The following ZCCHC17 variants were observed in gnomAD, a reference collection of about 807,000 sequenced individuals.
ZCCHC17 encodes the protein zinc finger CCHC domain-containing protein 17.
Under a neutral mutation model 30.6 loss-of-function variants are expected in ZCCHC17, and 18 were observed. The observed-to-expected ratio is 0.59, with a 90% CI of 0.41 to 0.87. The LOEUF is 0.87. Among genes scored for constraint, ZCCHC17 ranks in the 40% least tolerant of loss-of-function variants. The pLI is 0.00. For synonymous variants in ZCCHC17, 88 were observed against 92.4 expected (o/e 0.95, Z 0.27); for missense variants, 263 against 284.2 (o/e 0.93, Z 0.54).
At chr1:31,357,867 T>C (rs1262391728) in intron 7 of ZCCHC17, among the ~76,000 whole-genome samples, 1 of 152,084 alleles carries the variant, frequency 6.6e-6, no homozygotes, top group East Asian at 1.9e-4. Flanking sequence ...GCAATTCTTA[T>C]GCCTCAGCCT....
chr1:31,307,348 C>T (rs1646487762), intron 1 of ZCCHC17, among the ~76,000 whole-genome samples: 1 of 151,830 alleles, frequency 6.6e-6, no homozygotes. Context: ...TTAAACCTAG[C>T]TTTTTGTATG....
At chr1:31,313,008 C>T (rs1236107866) in intron 2 of ZCCHC17, among the ~76,000 whole-genome samples, 1 of 151,854 alleles carries the variant, frequency 6.6e-6, no homozygotes, top group Non-Finnish European at 1.5e-5. Flanking sequence ...CTCAGGTGAT[C>T]CACCTGCCTC....
chr1:31,349,005 G>C (rs1319208845), intron 7 of ZCCHC17, 31 bp downstream of exon 7: 2 of 1,539,182 alleles, frequency 1.3e-6, no homozygotes, highest in African/African-American at 2.8e-5. Context: ...ATTTTATCAT[G>C]TCTTTTTCAA....
chr1:31,322,864 G>C (rs565779634), intron 3 of ZCCHC17, among the ~76,000 whole-genome samples: 1 of 152,082 alleles, frequency 6.6e-6, no homozygotes, highest in Non-Finnish European at 1.5e-5. Flanking sequence ...TGGGACTACA[G>C]GTGTGCACCA....
chr1:31,359,924 A>G (rs973608336), intron 7 of ZCCHC17, among the ~76,000 whole-genome samples: 1 of 151,564 alleles, frequency 6.6e-6, no homozygotes, highest in African/African-American at 2.4e-5. Context: ...AGCTTGGTTC[A>G]TCTTCTGGCT....
At chr1:31,320,010 A>T (rs1646823928) in intron 3 of ZCCHC17, among the ~76,000 whole-genome samples, 1 of 152,220 alleles carries the variant, frequency 6.6e-6, no homozygotes. Flanking sequence ...CATATGATAA[A>T]GAGCTAATAC....
intron 1 of ZCCHC17, among the ~76,000 whole-genome samples, chr1:31,304,251 TCTATCTTA>T (rs1646389326): frequency 6.6e-6 from 1 of 151,588 alleles, no homozygotes; most frequent in Non-Finnish European, 1.5e-5. Flanking sequence ...ACTGACTGTA[TCTATCTTA>T]ATGTTATATA....
chr1:31,328,323 G>C (rs963800427), intron 3 of ZCCHC17, among the ~76,000 whole-genome samples: 1 of 151,912 alleles, frequency 6.6e-6, no homozygotes, highest in Admixed American at 6.6e-5. Flanking sequence ...GACCAGCCTG[G>C]GTAACATGGT....
chr1:31,333,667 C>G (rs1638686317), intron 3 of ZCCHC17, among the ~76,000 whole-genome samples: 1 of 152,068 alleles, frequency 6.6e-6, no homozygotes, highest in African/African-American at 2.4e-5. Flanking sequence ...CGTAAAAGAG[C>G]AAAATATTTC....
At chr1:31,321,070 C>CT (rs928739202) in intron 3 of ZCCHC17, among the ~76,000 whole-genome samples, 1 of 151,974 alleles carries the variant, frequency 6.6e-6, no homozygotes, top group Non-Finnish European at 1.5e-5. Context: ...ATTTGTATAT[C>CT]TTTTTTGGGG....
intron 1 of ZCCHC17, among the ~76,000 whole-genome samples, chr1:31,307,165 G>A (rs11591060): frequency 0.45 from 67,588 of 150,434 alleles, 18,615 homozygotes; most frequent in Non-Finnish European, 0.62. Flanking sequence ...TAGAGATAGA[G>A]TCTCACTGTG....
At chr1:31,356,330 T>C (rs151191398) in intron 7 of ZCCHC17, among the ~76,000 whole-genome samples, 17 of 152,340 alleles carry the variant, frequency 1.1e-4, no homozygotes, top group Non-Finnish European at 2.5e-4. Flanking sequence ...GAAAGTCTCA[T>C]TAGGTTCTCA....
intron 7 of ZCCHC17, among the ~76,000 whole-genome samples, chr1:31,361,268 T>A (rs966129747): frequency 6.6e-6 from 1 of 152,230 alleles, no homozygotes; most frequent in Non-Finnish European, 1.5e-5. Flanking sequence ...TATTTCATCT[T>A]CTCTTAAAAC....
intron 1 of ZCCHC17, among the ~76,000 whole-genome samples, chr1:31,300,919 A>C (rs1646295551): frequency 6.6e-6 from 1 of 151,552 alleles, no homozygotes; most frequent in Non-Finnish European, 1.5e-5. Context: ...GGTGACAAGA[A>C]CAAAACTCTG....
intron 2 of ZCCHC17, among the ~76,000 whole-genome samples, chr1:31,314,910 A>G (rs942044803): frequency 6.6e-6 from 1 of 152,158 alleles, no homozygotes; most frequent in Non-Finnish European, 1.5e-5. Context: ...CAAGTGATCC[A>G]TCTGCCTTGG....
intron 7 of ZCCHC17, among the ~76,000 whole-genome samples, chr1:31,353,336 G>A (rs1408841422): frequency 2.0e-5 from 3 of 151,980 alleles, no homozygotes; most frequent in Non-Finnish European, 2.9e-5. Flanking sequence ...TTTTTACTCT[G>A]TTGATAGTGT....
At chr1:31,301,504 T>TTC (rs1239591227) in intron 1 of ZCCHC17, among the ~76,000 whole-genome samples, 1 of 152,228 alleles carries the variant, frequency 6.6e-6, no homozygotes, top group Non-Finnish European at 1.5e-5. Context: ...GAAAAATTAG[T>TTC]TAAGAGAAGT....
chr1:31,342,237 G>T (rs1639074824), intron 5 of ZCCHC17, among the ~76,000 whole-genome samples: 1 of 151,902 alleles, frequency 6.6e-6, no homozygotes, highest in African/African-American at 2.4e-5. Context: ...TAGAGACGGG[G>T]TTTCACCATG....
intron 1 of ZCCHC17, among the ~76,000 whole-genome samples, chr1:31,298,054 C>G (rs374522278): frequency 6.6e-6 from 1 of 152,238 alleles, no homozygotes; most frequent in African/African-American, 2.4e-5. Context: ...ATCCCTCAGG[C>G]TCAGTGGTGT....
Sources: gnomAD v4.1 joint callset for allele counts (sites outside exome capture counted in the v4.1 genomes callset) on GRCh38, gnomAD v4.1.1 for gene constraint, MANE v1.5 for transcripts, NCBI Gene and HGNC (gene_info 2026-07-23, HGNC 2026-07-21) for gene names.